Variants in HHAT observed in about 807,000 individuals in gnomAD.
HHAT encodes hedgehog acyltransferase, also known as protein-cysteine N-palmitoyltransferase HHAT.
HHAT carries 47 observed loss-of-function variants against 70.8 expected under a neutral mutation model. The observed-to-expected ratio is 0.66, with a 90% CI of 0.53 to 0.85. The LOEUF is 0.85. Among genes scored for constraint, HHAT ranks in the 40% least tolerant of loss-of-function variants. The pLI is 0.00. For missense variants in HHAT, 609 were observed against 604.8 expected (o/e 1.01, Z -0.07); for synonymous variants, 228 against 247.6 (o/e 0.92, Z 0.74).
At chr1:210,623,850 CCT>C (rs113298926) in intron 11 of HHAT, among the ~76,000 whole-genome samples, 180 bp downstream of exon 11, 5 of 152,172 alleles carry the variant, frequency 3.3e-5, no homozygotes, top group African/African-American at 1.2e-4. Context: ...TTAAGTGTCC[CCT>C]GTTTTTGAGG....
chr1:210,565,217 T>C (rs140047394), intron 9 of HHAT, among the ~76,000 whole-genome samples: 111 of 152,232 alleles, frequency 7.3e-4, no homozygotes, highest in African/African-American at 2.6e-3. Context: ...ATAAAGATGA[T>C]GTATATGGTT....
Position 210,464,526 on chromosome 1 carries a change from T to A in HHAT, c.878T>A (p.Val293Glu), listed in dbSNP as rs1243613343. 3.1e-6 allele frequency: 5 copies of A among 1,614,144 alleles called. No individual in the cohort carries two copies. The highest frequency in any genetic ancestry group is 4.5e-5 in the East Asian group (2 of 44,870). Residue 293 changes from valine (V) to glutamate (E), a missense_variant, in exon 8 of 12, where the codon GTG becomes GAG. By Grantham distance (121) the Val-to-Glu change is moderately radical. Coordinates refer to ENST00000261458, the MANE Select transcript of HHAT (RefSeq NM_018194.6). ...WTLGGLALAQ[V>E]LFFYVKYLVL... ...TCAGGAGGACTGGCGTTAGCCCAGG[T>A]GCTCTTTTTCTACGTGAAGTACTTG...
intron 9 of HHAT, among the ~76,000 whole-genome samples, chr1:210,582,740 G>T (rs764404882): frequency 5.9e-5 from 9 of 152,206 alleles, no homozygotes; most frequent in Non-Finnish European, 1.2e-4. Flanking sequence ...GACGTCTGCA[G>T]GATGTCAGGG....
At chr1:210,383,674 A>G (rs2090828656) in intron 3 of HHAT, among the ~76,000 whole-genome samples, 1 of 152,198 alleles carries the variant, frequency 6.6e-6, no homozygotes, top group East Asian at 1.9e-4. Context: ...TGGAACAAAT[A>G]TATTACTGTG....
rs574425631 is a variant in HHAT, at chr1:210,405,059, G to C, written c.684+380G>C. 5.9e-5 allele frequency among the ~76,000 whole-genome samples: 9 copies of C among 152,282 alleles called. No homozygotes were observed. The South Asian group carries it at 1.9e-3, about 32-fold the overall frequency. On this transcript the variant is annotated intron_variant, in intron 6 of 11. Coordinates refer to ENST00000261458, the MANE Select transcript of HHAT (RefSeq NM_018194.6). Reference sequence around the variant, plus strand: ...AGGAATAGAAAAGGAAACTGTCTAAGCTGTTGCTTGGCAAATAGTATGTTT... The same window carrying C: ...AGGAATAGAAAAGGAAACTGTCTAACCTGTTGCTTGGCAAATAGTATGTTT...
intron 1 of HHAT, among the ~76,000 whole-genome samples, chr1:210,332,788 C>T (rs1039976853): frequency 6.6e-6 from 1 of 152,178 alleles, no homozygotes; most frequent in Non-Finnish European, 1.5e-5. Flanking sequence ...ATGTGAGTCA[C>T]CTGTTGCAAT....
At chr1:210,620,231 TA>T (rs1380586564) in intron 10 of HHAT, among the ~76,000 whole-genome samples, 2 of 152,208 alleles carry the variant, frequency 1.3e-5, no homozygotes, top group African/African-American at 4.8e-5. Context: ...TCAAAGGGAA[TA>T]TACCCTCTAA....
At chr1:210,625,308 A>G (rs1250754288) in intron 11 of HHAT, among the ~76,000 whole-genome samples, 2 of 152,190 alleles carry the variant, frequency 1.3e-5, no homozygotes. Flanking sequence ...GCACAATGAT[A>G]AGAACATTGT....
intron 10 of HHAT, among the ~76,000 whole-genome samples, chr1:210,600,061 GT>G (rs1663894554): frequency 6.6e-6 from 1 of 152,096 alleles, no homozygotes; most frequent in African/African-American, 2.4e-5. Flanking sequence ...ATGATATCTA[GT>G]TTGGAAACCC....
rs1034480761 is a variant in HHAT, at chr1:210,480,576, A to G, written c.1007+15921A>G. ...TTAGTTACTAAGGATTAATGCAAATATGATGGTGCTTGGCACCCCCCATTT... is the reference window on the plus strand; with the variant it reads ...TTAGTTACTAAGGATTAATGCAAATGTGATGGTGCTTGGCACCCCCCATTT... On this transcript the variant is annotated intron_variant, in intron 8 of 11. Transcript: ENST00000261458. Among the ~76,000 whole-genome samples, 74 of 152,214 alleles carry G rather than the reference A, an allele frequency of 4.9e-4. 5 individuals are homozygous for G. Among genetic ancestry groups the G allele is most frequent in the Non-Finnish European group, 2.9e-5 (2 of 68,034 alleles).
chr1:210,593,406 C>T (rs920202366), intron 10 of HHAT, among the ~76,000 whole-genome samples: 33 of 151,944 alleles, frequency 2.2e-4, no homozygotes, highest in African/African-American at 7.2e-4. Context: ...AGGAGTTTTT[C>T]AATTTCTTAA....
At chr1:210,430,691 G>T (rs1256974288) in intron 7 of HHAT, among the ~76,000 whole-genome samples, 4 of 151,780 alleles carry the variant, frequency 2.6e-5, no homozygotes, top group Non-Finnish European at 5.9e-5. Context: ...TTCTCTTAGG[G>T]TGGAGGTATA....
chr1:210,396,278 C>A (rs1015274007), intron 4 of HHAT, among the ~76,000 whole-genome samples: 1 of 152,138 alleles, frequency 6.6e-6, no homozygotes, highest in Non-Finnish European at 1.5e-5. Flanking sequence ...CAGAGTAGTT[C>A]CGGTGGGGCT....
intron 3 of HHAT, among the ~76,000 whole-genome samples, chr1:210,377,012 T>C (rs1397984278): frequency 6.6e-6 from 1 of 152,234 alleles, no homozygotes; most frequent in Non-Finnish European, 1.5e-5. Context: ...TGCAGAGATG[T>C]TCTGTACAAA....
chr1:210,641,190 G>T (rs1460244681), intron 11 of HHAT, among the ~76,000 whole-genome samples: 2 of 152,200 alleles, frequency 1.3e-5, no homozygotes, highest in Non-Finnish European at 2.9e-5. Context: ...ATATAGTGGG[G>T]CAGGAAAATC....
intron 9 of HHAT, among the ~76,000 whole-genome samples, chr1:210,557,173 A>G (rs1307280123): frequency 6.6e-6 from 1 of 152,260 alleles, no homozygotes; most frequent in African/African-American, 2.4e-5. Context: ...TGAGCAATGA[A>G]TGAAATGCAT....
intron 11 of HHAT, among the ~76,000 whole-genome samples, chr1:210,652,348 C>A (rs1675329260): frequency 6.6e-6 from 1 of 152,170 alleles, no homozygotes; most frequent in Non-Finnish European, 1.5e-5. Flanking sequence ...CTATGAACCC[C>A]TTGCAGAGAT....
chr1:210,579,364 T>C (rs1658670919), intron 9 of HHAT, among the ~76,000 whole-genome samples: 1 of 151,708 alleles, frequency 6.6e-6, no homozygotes, highest in Admixed American at 6.6e-5. Flanking sequence ...AGGAAGGGGG[T>C]CTTGCTAATC....
intron 11 of HHAT, among the ~76,000 whole-genome samples, chr1:210,634,064 A>G (rs1671395144): frequency 6.6e-6 from 1 of 152,232 alleles, no homozygotes. Flanking sequence ...AGTAAAATGA[A>G]AAGGGAAATT....
Sources: allele counts gnomAD v4.1 joint callset (sites outside exome capture counted in the v4.1 genomes callset), GRCh38; gene constraint gnomAD v4.1.1; transcripts MANE v1.5; gene names NCBI Gene and HGNC (gene_info 2026-07-23, HGNC 2026-07-21).